Variants in UTRN observed in about 807,000 individuals in gnomAD.
UTRN encodes the protein dystrophin-related protein 1.
A neutral mutation model predicts 463.9 loss-of-function variants in UTRN; 283 were observed. The observed-to-expected ratio is 0.61, with a 90% CI of 0.55 to 0.67. The LOEUF is 0.67. Ranked by LOEUF, UTRN falls within the 30% of genes least tolerant of loss-of-function variation. UTRN has a pLI of 0.00. For synonymous variants in UTRN, 1,442 were observed against 1,431.5 expected (o/e 1.01, Z -0.17); for missense variants, 3,922 against 4,084.3 (o/e 0.96, Z 1.08).
At chr6:144,433,608 G>A (rs1018768420) in intron 9 of UTRN, among the ~76,000 whole-genome samples, 1 of 146,894 alleles carries the variant, frequency 6.8e-6, no homozygotes, top group Non-Finnish European at 1.5e-5. Context: ...CAGGCAGAGG[G>A]TCTCCTCACT....
At chr6:144,401,941 G>A (rs1200595908) in intron 2 of UTRN, among the ~76,000 whole-genome samples, 1 of 152,160 alleles carries the variant, frequency 6.6e-6, no homozygotes, top group Non-Finnish European at 1.5e-5. Context: ...TGGCAAAGGA[G>A]GCAGGACACA....
At chr6:144,391,005 TTAGTCATTTA>T (rs74400555) in intron 2 of UTRN, among the ~76,000 whole-genome samples, 113,337 of 152,010 alleles carry the variant, frequency 0.75, 42,976 homozygotes, top group African/African-American at 0.89. Flanking sequence ...TTAATAACAA[TTAGTCATTTA>T]GACTAGAAAA....
intron 3 of UTRN, among the ~76,000 whole-genome samples, chr6:144,404,962 G>A (rs1210472079): frequency 6.6e-6 from 1 of 152,110 alleles, no homozygotes; most frequent in East Asian, 1.9e-4. Flanking sequence ...ATTAAATGGG[G>A]CTTTAAGTCC....
chr6:144,620,868 G>A (rs1320887516), intron 51 of UTRN, among the ~76,000 whole-genome samples: 1 of 152,194 alleles, frequency 6.6e-6, no homozygotes, highest in Non-Finnish European at 1.5e-5. Context: ...AGGATTCTAA[G>A]GAGGCCTGAA....
intron 2 of UTRN, among the ~76,000 whole-genome samples, chr6:144,349,438 A>G (rs1777914590): frequency 6.6e-6 from 1 of 152,212 alleles, no homozygotes; most frequent in Non-Finnish European, 1.5e-5. Flanking sequence ...GGATCTCCCA[A>G]CCAGGGAGGA....
chr6:144,376,238 C>A (rs530748444), intron 2 of UTRN, among the ~76,000 whole-genome samples: 1 of 151,976 alleles, frequency 6.6e-6, no homozygotes, highest in East Asian at 1.9e-4. Context: ...GGGTAGATCA[C>A]GAGGTCAGGA....
chr6:144,749,648 GAT>G (rs1020397466), intron 55 of UTRN, among the ~76,000 whole-genome samples: 5 of 152,034 alleles, frequency 3.3e-5, no homozygotes, highest in African/African-American at 1.2e-4. Context: ...AAAAACAAAA[GAT>G]AAACTTTCTT....
chr6:144,510,608 G>A (rs564470353), intron 34 of UTRN, among the ~76,000 whole-genome samples: 24 of 152,068 alleles, frequency 1.6e-4, no homozygotes, highest in Admixed American at 5.9e-4. Flanking sequence ...AAATGAAATT[G>A]AGCCTTTACA....
At chr6:144,441,063 A>C (rs1181869807) in intron 13 of UTRN, among the ~76,000 whole-genome samples, 2 of 152,168 alleles carry the variant, frequency 1.3e-5, no homozygotes, top group Non-Finnish European at 2.9e-5. Context: ...TGGGAGTTAC[A>C]ATTCAAGATG....
intron 42 of UTRN, among the ~76,000 whole-genome samples, chr6:144,531,920 G>A (rs1797096044): frequency 2.0e-5 from 3 of 152,110 alleles, no homozygotes; most frequent in Admixed American, 1.3e-4. Context: ...GGCGGATTAT[G>A]AGGTCAGGAG....
intron 51 of UTRN, among the ~76,000 whole-genome samples, chr6:144,643,249 A>G (rs1777942309): frequency 6.6e-6 from 1 of 152,078 alleles, no homozygotes; most frequent in South Asian, 2.1e-4. Context: ...AACTAGAGAA[A>G]GAGTCATGGA....
chr6:144,567,044 G>A (rs1439000252), intron 50 of UTRN, among the ~76,000 whole-genome samples: 1 of 152,154 alleles, frequency 6.6e-6, no homozygotes, highest in Non-Finnish European at 1.5e-5. Flanking sequence ...CTACTAGGGA[G>A]GCTGAGGTGG....
At chr6:144,342,372 CA>C (rs1207300373) in intron 2 of UTRN, among the ~76,000 whole-genome samples, 7 of 150,070 alleles carry the variant, frequency 4.7e-5, no homozygotes, top group Non-Finnish European at 7.4e-5. Context: ...CACACACACA[CA>C]CCCGCCACAC....
At chr6:144,530,249 A>C (rs1216149259) in intron 41 of UTRN, among the ~76,000 whole-genome samples, 2 of 152,244 alleles carry the variant, frequency 1.3e-5, no homozygotes, top group Non-Finnish European at 2.9e-5. Flanking sequence ...GGTCTCTCTT[A>C]CTGGCTTGCA....
chr6:144,815,154 C>A (rs1778967502), intron 65 of UTRN, among the ~76,000 whole-genome samples: 1 of 152,130 alleles, frequency 6.6e-6, no homozygotes, highest in South Asian at 2.1e-4. Context: ...ACATTAAAAT[C>A]TCATGATATT....
In UTRN at chr6:144,487,666, T is replaced by G; in HGVS notation, c.3941T>G (p.Phe1314Cys). 6.2e-7 allele frequency: 1 copy of G among 1,612,670 alleles called. No individual in the cohort carries two copies. Among genetic ancestry groups the G allele is most frequent in the Non-Finnish European group, 8.5e-7 (1 of 1,179,186 alleles). The change falls in exon 29 of 75, where the codon TTC becomes TGC. Residue 1314 changes from phenylalanine (F) to cysteine (C), a missense_variant. Physicochemically the swap from Phe to Cys is radical, Grantham distance 205. Around this residue, in one of 3 missense-constraint regions of UTRN, gnomAD observed 2,349 missense variants for 2,303.8 expected, o/e 1.02. Transcript: ENST00000367545. Reference sequence around the variant, plus strand: ...ATAATCAGTGAGAAACTGGAGGCTTTCAACAGCCGATATGAAGATCTAAGT... The same window carrying G: ...ATAATCAGTGAGAAACTGGAGGCTTGCAACAGCCGATATGAAGATCTAAGT... ...DDIISEKLEA[F>C]NSRYEDLSHL... is the part of the protein sequence containing the mutation.
intron 2 of UTRN, among the ~76,000 whole-genome samples, chr6:144,372,497 T>C (rs1199031184): frequency 2.6e-5 from 4 of 152,136 alleles, no homozygotes; most frequent in Non-Finnish European, 5.9e-5. Flanking sequence ...TTTTATTTTT[T>C]ATTTTATTTT....
intron 51 of UTRN, among the ~76,000 whole-genome samples, chr6:144,633,912 G>A (rs1776817275): frequency 2.0e-5 from 3 of 152,202 alleles, no homozygotes; most frequent in Admixed American, 1.3e-4. Flanking sequence ...AGCATGATTA[G>A]TATAGTGTTT....
At chr6:144,310,353 A>C (rs1806136346) in intron 2 of UTRN, among the ~76,000 whole-genome samples, 1 of 152,022 alleles carries the variant, frequency 6.6e-6, no homozygotes, top group South Asian at 2.1e-4. Context: ...CCTGGCCAAC[A>C]TGGAGCAACC....
Sources: gnomAD v4.1 joint callset for allele counts (sites outside exome capture counted in the v4.1 genomes callset) on GRCh38, gnomAD v4.1.1 for gene constraint, gnomAD v4.1.1 regional missense constraint, MANE v1.5 for transcripts, NCBI Gene and HGNC (gene_info 2026-07-23, HGNC 2026-07-21) for gene names.